The following RIT2 variants were observed in gnomAD, a reference collection of about 807,000 sequenced individuals.
The protein encoded by RIT2 is Ras like without CAAX 2.
RIT2 carries 24 observed loss-of-function variants against 23.7 expected under a neutral mutation model. The observed-to-expected ratio is 1.01, with a 90% CI of 0.73 to 1.43. RIT2 has a LOEUF of 1.43. RIT2 is among the 40% of genes most tolerant of loss of function. RIT2 has a pLI of 0.00. For synonymous variants in RIT2, 107 were observed against 91.1 expected (o/e 1.17, Z -0.99); for missense variants, 236 against 266.9 (o/e 0.88, Z 0.81).
intron 4 of RIT2, among the ~76,000 whole-genome samples, chr18:42,755,560 T>C (rs1043343173): frequency 4.6e-5 from 7 of 152,170 alleles, no homozygotes; most frequent in Non-Finnish European, 1.0e-4. Flanking sequence ...ACTTAATTAC[T>C]ATCTGAATTC....
chr18:42,782,253 T>C (rs1027875115), intron 4 of RIT2, among the ~76,000 whole-genome samples: 4 of 152,168 alleles, frequency 2.6e-5, no homozygotes, highest in Admixed American at 2.0e-4. Flanking sequence ...TAGTTAGAGA[T>C]TAGTGCTCAT....
intron 3 of RIT2, among the ~76,000 whole-genome samples, chr18:42,959,452 A>G (rs1031887981): frequency 1.3e-5 from 2 of 152,230 alleles, no homozygotes; most frequent in African/African-American, 4.8e-5. Flanking sequence ...AAACAGTTAC[A>G]TCTTCCACTC....
chr18:42,914,182 G>A (rs1192501531), intron 4 of RIT2, among the ~76,000 whole-genome samples: 2 of 152,044 alleles, frequency 1.3e-5, no homozygotes, highest in African/African-American at 4.8e-5. Context: ...AATATCTAAT[G>A]CTGGCAAGGG....
At chr18:42,830,381 A>T (rs1906423091) in intron 4 of RIT2, among the ~76,000 whole-genome samples, 1 of 152,196 alleles carries the variant, frequency 6.6e-6, no homozygotes, top group Admixed American at 6.5e-5. Context: ...CTTTACTGTG[A>T]TAAGATGGTC....
chr18:42,775,684 G>A (rs1040009402), intron 4 of RIT2, among the ~76,000 whole-genome samples: 4 of 141,780 alleles, frequency 2.8e-5, no homozygotes, highest in Non-Finnish European at 6.1e-5. Context: ...GCGACAGAGC[G>A]AGACTCCATC....
chr18:43,069,828 C>G (rs957011220), intron 1 of RIT2, among the ~76,000 whole-genome samples: 3 of 152,218 alleles, frequency 2.0e-5, no homozygotes, highest in African/African-American at 7.2e-5. Flanking sequence ...TCACTTCCTT[C>G]AGTTCTCAGC....
At chr18:43,075,344 T>C (rs948225979) in intron 1 of RIT2, among the ~76,000 whole-genome samples, 2 of 152,160 alleles carry the variant, frequency 1.3e-5, no homozygotes, top group Admixed American at 6.5e-5. Context: ...TTCTCTTTCA[T>C]AAAGTGGCAT....
chr18:42,884,904 C>T (rs997704163), intron 4 of RIT2, among the ~76,000 whole-genome samples: 5 of 152,190 alleles, frequency 3.3e-5, no homozygotes, highest in Admixed American at 2.6e-4. Context: ...GTTATTTGCA[C>T]TTAAAATATC....
At chr18:42,888,746 C>G (rs961812079) in intron 4 of RIT2, among the ~76,000 whole-genome samples, 10 of 151,992 alleles carry the variant, frequency 6.6e-5, no homozygotes, top group Non-Finnish European at 1.3e-4. Flanking sequence ...AGAATGAAAT[C>G]ATGTCTATTG....
At chr18:42,957,938 G>T (rs1431034816) in intron 3 of RIT2, among the ~76,000 whole-genome samples, 1 of 152,162 alleles carries the variant, frequency 6.6e-6, no homozygotes, top group Non-Finnish European at 1.5e-5. Context: ...ATAGCAGAGT[G>T]CAATCTTGCT....
intron 4 of RIT2, among the ~76,000 whole-genome samples, chr18:42,917,531 C>T (rs1908943560): frequency 6.6e-6 from 1 of 152,118 alleles, no homozygotes; most frequent in African/African-American, 2.4e-5. Flanking sequence ...ACCATCATTT[C>T]TCATTCTGAT....
At chr18:42,961,893 G>T (rs1461719603) in intron 3 of RIT2, among the ~76,000 whole-genome samples, 1 of 152,108 alleles carries the variant, frequency 6.6e-6, no homozygotes, top group African/African-American at 2.4e-5. Context: ...ATTTTCCATG[G>T]CACACTCTGT....
At chr18:42,944,033 C>A (rs1909666712) in intron 3 of RIT2, among the ~76,000 whole-genome samples, 2 of 152,134 alleles carry the variant, frequency 1.3e-5, no homozygotes, top group African/African-American at 4.8e-5. Flanking sequence ...GGTCTGTTAT[C>A]AACACAACAT....
intron 4 of RIT2, among the ~76,000 whole-genome samples, chr18:42,814,522 C>T (rs1453739808): frequency 6.6e-6 from 1 of 152,090 alleles, no homozygotes; most frequent in Non-Finnish European, 1.5e-5. Context: ...ACTCCATTGA[C>T]CTGGGAACCT....
chr18:42,892,852 C>A lies in RIT2; in HGVS notation c.426+30720G>T, dbSNP rs1337518131. Among the ~76,000 whole-genome samples the A allele has an allele frequency of 2.6e-5, 4 of 152,288 alleles. No homozygotes were observed. In the South Asian group the frequency reaches 6.2e-4, roughly 24 times the overall value. On this transcript the variant is annotated intron_variant, in intron 4 of 4. Coordinates refer to ENST00000326695, the MANE Select transcript of RIT2 (RefSeq NM_002930.4). ...TTCACAGTGTTGTGTTAGCAGTTCT[C>A]TGGATGGTCCATTTCCAAAGTGGTC...
intron 2 of RIT2, among the ~76,000 whole-genome samples, chr18:42,993,643 A>G (rs1442449968): frequency 6.6e-6 from 1 of 152,022 alleles, no homozygotes; most frequent in Non-Finnish European, 1.5e-5. Flanking sequence ...TTATCAGGCC[A>G]AGACACTTTA....
chr18:42,880,743 G>A (rs548738509), intron 4 of RIT2, among the ~76,000 whole-genome samples: 9 of 151,016 alleles, frequency 6.0e-5, no homozygotes, highest in East Asian at 1.9e-4. Context: ...CTTCTGTTTC[G>A]GAATGGTGAT....
chr18:42,859,356 GC>G (rs1907267251), intron 4 of RIT2, among the ~76,000 whole-genome samples: 1 of 152,094 alleles, frequency 6.6e-6, no homozygotes, highest in Non-Finnish European at 1.5e-5. Context: ...ATCATCCTTG[GC>G]GAAATGATTA....
At chr18:42,980,422 T>C (rs1910572728) in intron 2 of RIT2, among the ~76,000 whole-genome samples, 1 of 152,048 alleles carries the variant, frequency 6.6e-6, no homozygotes, top group Non-Finnish European at 1.5e-5. Context: ...CATCTATTTA[T>C]ATAGATGGAA....
Sources: gnomAD v4.1 joint callset for allele counts (sites outside exome capture counted in the v4.1 genomes callset) on GRCh38, gnomAD v4.1.1 for gene constraint, MANE v1.5 for transcripts, NCBI Gene and HGNC (gene_info 2026-07-23, HGNC 2026-07-21) for gene names.